Variants in MEST observed in about 807,000 individuals in gnomAD.
MEST encodes mesoderm specific transcript, also known as mesoderm-specific transcript homolog protein.
Under a neutral mutation model 50.9 loss-of-function variants are expected in MEST, and 18 were observed. The ratio of observed to expected loss-of-function variants is 0.35; its 90% CI spans 0.24 to 0.52. The LOEUF (loss-of-function observed/expected upper bound fraction) is 0.52, where lower values mean the gene tolerates loss of function less well. MEST is among the 20% of genes least tolerant of loss of function. The pLI, the probability that MEST is intolerant of heterozygous loss-of-function variation, is 0.94. For missense variants in MEST, 282 were observed against 425.3 expected (o/e 0.66, Z 2.96); for synonymous variants, 130 against 154.1 (o/e 0.84, Z 1.16).
chr7:130,496,906 G>A (rs1190283708), intron 2 of MEST: 1 of 305,514 alleles, frequency 3.3e-6, no homozygotes, highest in Non-Finnish European at 6.1e-6. Context: ...CTAGGTGAAA[G>A]TAAACAAGGT....
At chr7:130,503,545 A>G (rs1799356032) in intron 10 of MEST, among the ~76,000 whole-genome samples, 1 of 152,240 alleles carries the variant, frequency 6.6e-6, no homozygotes, top group African/African-American at 2.4e-5. Flanking sequence ...GAGGATGCTC[A>G]CGTCTGTAAT....
chr7:130,502,113 T>C (rs1355928341), intron 9 of MEST, among the ~76,000 whole-genome samples: 1 of 152,158 alleles, frequency 6.6e-6, no homozygotes, highest in East Asian at 1.9e-4. Context: ...TCCCAGCTAC[T>C]TGGGAGGCTG....
intron 11 of MEST, 95 bp from the exon 12 acceptor site, chr7:130,504,844 G>C: frequency 1.2e-6 from 1 of 836,490 alleles, no homozygotes; most frequent in Middle Eastern, 2.3e-4. Flanking sequence ...TTCCAGTGTG[G>C]TGTGTCCACA....
In MEST at chr7:130,497,375, G is replaced by T; in HGVS notation, c.261+140G>T. ...AGTTTGAGACCAGCCAGGCCAACAT[G>T]GCAAAACCCCATCTCTACTAAAAGT... On this transcript the variant is annotated intron_variant, in intron 3 of 11. Transcript: ENST00000223215. This position sits in a 1 kb window ranked among gnomAD's most constrained non-coding sequence, Gnocchi z 4.0. 8.9e-6 allele frequency: 5 copies of T among 559,082 alleles called. No individual in the cohort carries two copies. The South Asian group carries it at 1.2e-4, about 13-fold the overall frequency. 34.6% of individuals were successfully genotyped at this position (559,082 alleles called of 1,614,324 possible). A position where few individuals can be genotyped will look rare whatever the true frequency, so the allele number is the denominator to read the frequency against.
intron 1 of MEST, among the ~76,000 whole-genome samples, chr7:130,493,985 C>A (rs1389284857): frequency 1.3e-5 from 2 of 152,026 alleles, no homozygotes; most frequent in Non-Finnish European, 2.9e-5. Context: ...AGAAGTAGGA[C>A]CAAATGGTTC....
At chr7:130,493,675 G>C (rs531401023) in intron 1 of MEST, among the ~76,000 whole-genome samples, 1 of 152,106 alleles carries the variant, frequency 6.6e-6, no homozygotes, top group African/African-American at 2.4e-5. Context: ...CCCATTTGCC[G>C]CTCTGGCCGC....
At position 130,505,231 on chromosome 7, in the gene MEST, T is replaced by G; in HGVS notation, c.*175T>G. On this transcript the variant is annotated 3_prime_UTR_variant, in exon 12 of 12. Coordinates refer to ENST00000223215, the MANE Select transcript of MEST (RefSeq NM_002402.4). ...GGAAGAAGCCAGCAGGAGCTCTGAC[T>G]AAGGTTGACATAATAGTCCACCTCC... is the stretch of plus-strand genomic sequence containing the variant. 3.4e-6 allele frequency: 2 copies of G among 580,870 alleles called. No individual in the cohort carries two copies. The highest frequency in any genetic ancestry group is 5.3e-5 in the East Asian group (2 of 38,030). 36.0% of individuals were successfully genotyped at this position (580,870 alleles called of 1,614,324 possible). A position where few individuals can be genotyped will look rare whatever the true frequency, so the allele number is the denominator to read the frequency against.
chr7:130,489,834 CTG>C (rs1411041011), upstream of MEST: 1 of 152,230 alleles, frequency 6.6e-6, no homozygotes, highest in Non-Finnish European at 1.5e-5. Context: ...GGCCTTTAAA[CTG>C]TTTCTCCTCC....
At chr7:130,495,778 G>GT (rs71178591) in intron 2 of MEST, 7,357 of 189,332 alleles carry the variant, frequency 0.039, 7 homozygotes, top group Middle Eastern at 0.1. Flanking sequence ...TCCAATATTA[G>GT]TTTTTTTTTT....
In MEST at chr7:130,500,739, C is replaced by A; in HGVS notation, c.648-50C>A. On this transcript the variant is annotated intron_variant, in intron 8 of 11. Coordinates refer to ENST00000223215, the MANE Select transcript of MEST (RefSeq NM_002402.4). This position sits in a 1 kb window ranked among gnomAD's most constrained non-coding sequence, Gnocchi z 5.0. ...CCTCTGAGGTTCCAGCCATATTGAA[C>A]ATTCTGAGTTCTCCTCACACTTATC... 2.0e-6 allele frequency: 3 copies of A among 1,495,492 alleles called. No individual in the cohort carries two copies. Among genetic ancestry groups the A allele is most frequent in the Admixed American group, 1.9e-5 (1 of 53,756 alleles). 92.6% of individuals were successfully genotyped at this position (1,495,492 alleles called of 1,614,324 possible). A position where few individuals can be genotyped will look rare whatever the true frequency, so the allele number is the denominator to read the frequency against.
At chr7:130,502,014 A>C (rs1554438614) in intron 9 of MEST, among the ~76,000 whole-genome samples, 1 of 151,002 alleles carries the variant, frequency 6.6e-6, no homozygotes, top group Non-Finnish European at 1.5e-5. Context: ...AAAAAAAAGA[A>C]GTAGATGTCA....
rs1042741119 is a variant in MEST at position 130,497,946 on chromosome 7, G to A, written c.272G>A (p.Gly91Asp). The A allele has an allele frequency of 1.2e-6, 2 of 1,614,208 alleles. No individual in the cohort carries two copies. Among genetic ancestry groups the A allele is most frequent in the African/African-American group, 1.3e-5 (1 of 75,056 alleles). The change falls in exon 4 of 12, where the codon GGT becomes GAT. Residue 91 changes from glycine (G) to aspartate (D), a missense_variant. By Grantham distance (94) the Gly-to-Asp change is moderately conservative (BLOSUM62 -1). Coordinates refer to ENST00000223215, the MANE Select transcript of MEST (RefSeq NM_002402.4). This position sits in a 1 kb window ranked among gnomAD's most constrained non-coding sequence, Gnocchi z 4.0. ...SSYDWYKIWEGLTLRFHRVIA... is the reference protein window; with the variant it reads ...SSYDWYKIWEDLTLRFHRVIA... The stretch of plus-strand genomic sequence containing the variant: ...GTTTCTTTCTTGTAGATTTGGGAAG[G>A]TCTGACCTTGAGGTTTCATCGGGTG...
upstream of MEST, chr7:130,491,989 G>T (rs1386222060): frequency 1.1e-5 from 2 of 175,732 alleles, no homozygotes; most frequent in African/African-American, 2.4e-5. The surrounding 1 kb of genome is among the most constrained non-coding windows in gnomAD (Gnocchi z 6.8). Context: ...GCTCTGCGGC[G>T]AGCAAGGGAG....
Position 130,492,415 on chromosome 7 carries a change from GC to G in MEST, c.26+79del. 8.4e-7 allele frequency: 1 copy of G among 1,185,686 alleles called. No individual in the cohort carries two copies. The highest frequency in any genetic ancestry group is 1.1e-6 in the Non-Finnish European group (1 of 937,394). 73.4% of individuals were successfully genotyped at this position (1,185,686 alleles called of 1,614,324 possible). Reference sequence around the variant, plus strand: ...GGCGCAGGCGAGCGGAGGACTGTGTGCCCGTGTCCGAGCTGGGGCTGCCTCT... The same window carrying G: ...GGCGCAGGCGAGCGGAGGACTGTGTGCCGTGTCCGAGCTGGGGCTGCCTCT... On this transcript the variant is annotated intron_variant, in intron 1 of 11. Coordinates refer to ENST00000223215, the MANE Select transcript of MEST (RefSeq NM_002402.4). This position sits in a 1 kb window ranked among gnomAD's most constrained non-coding sequence, Gnocchi z 7.6.
chr7:130,500,207 A>G lies in MEST; in HGVS notation c.577-255A>G, dbSNP rs1270774518. Among the ~76,000 whole-genome samples, 1 of 152,154 alleles carries G rather than the reference A, an allele frequency of 6.6e-6. No individual in the cohort carries two copies. Among genetic ancestry groups the G allele is most frequent in the East Asian group, 1.9e-4 (1 of 5,186 alleles). ...TGATGTTTGAACAAATTAGGATCCT[A>G]CTCTAAACTTGAATATATCAGAGTT... On this transcript the variant is annotated intron_variant, in intron 7 of 11. Coordinates refer to ENST00000223215, the MANE Select transcript of MEST (RefSeq NM_002402.4). This position sits in a 1 kb window ranked among gnomAD's most constrained non-coding sequence, Gnocchi z 5.0.
intron 1 of MEST, chr7:130,494,928 G>A: frequency 1.4e-6 from 1 of 706,482 alleles, no homozygotes; most frequent in Non-Finnish European, 1.7e-6. Context: ...CTGGTTGGGG[G>A]TAGTGGGTAG....
At chr7:130,502,617 G>T in intron 9 of MEST, 27 bp from the exon 10 acceptor site, 1 of 1,577,752 alleles carries the variant, frequency 6.3e-7, no homozygotes, top group South Asian at 1.1e-5. Context: ...TTCTTGTTCT[G>T]CACATGCTGA....
At chr7:130,501,097 AGTATT>A (rs1799261711) in intron 9 of MEST, 1 of 458,594 alleles carries the variant, frequency 2.2e-6, no homozygotes, top group South Asian at 4.3e-5. Flanking sequence ...AATGCTTCAA[AGTATT>A]GAATCATGGT....
rs1470345319 is a variant in MEST at position 130,492,628 on chromosome 7, C to T, written c.26+289C>T. On this transcript the variant is annotated intron_variant, in intron 1 of 11. Coordinates refer to ENST00000223215, the MANE Select transcript of MEST (RefSeq NM_002402.4). This position sits in a 1 kb window ranked among gnomAD's most constrained non-coding sequence, Gnocchi z 7.6. ...GGACCCCAGCGTCATCTTGATATGACTTAGGATCCATAATGACCCTGGTCT... is the reference window on the plus strand; with the variant it reads ...GGACCCCAGCGTCATCTTGATATGATTTAGGATCCATAATGACCCTGGTCT... 3 of 340,854 alleles carry T rather than the reference C, an allele frequency of 8.8e-6. No individual in the cohort carries two copies. Among genetic ancestry groups the T allele is most frequent in the Non-Finnish European group, 1.6e-5 (3 of 189,442 alleles). The allele number at this position is 340,854 out of a possible 1,614,324, so 21.1% of individuals were successfully genotyped here.
Sources: gnomAD v4.1 joint callset for allele counts (sites outside exome capture counted in the v4.1 genomes callset) on GRCh38, gnomAD v4.1.1 for gene constraint, Gnocchi (gnomAD v3.1) non-coding constraint, MANE v1.5 for transcripts, NCBI Gene and HGNC (gene_info 2026-07-23, HGNC 2026-07-21) for gene names.